The following SUN1 variants were observed in gnomAD, a reference collection of about 807,000 sequenced individuals.
The protein encoded by SUN1 is Sad1 and UNC84 domain containing 1, also known as SUN domain-containing protein 1.
SUN1 carries 61 observed loss-of-function variants against 103.2 expected under a neutral mutation model. The observed-to-expected ratio is 0.59, with a 90% CI of 0.48 to 0.73. The LOEUF (loss-of-function observed/expected upper bound fraction) is 0.73. Among genes scored for constraint, SUN1 ranks in the 30% least tolerant of loss-of-function variants. SUN1 has a pLI of 0.00. For synonymous variants in SUN1, 490 were observed against 425.7 expected, an observed-to-expected ratio of 1.15 and a Z score of -1.86; for missense variants, 1,052 against 1,034.6, an observed-to-expected ratio of 1.02 and a Z score of -0.23.
intron 16 of SUN1, among the ~76,000 whole-genome samples, chr7:867,755 A>G (rs10950834): frequency 0.62 from 94,289 of 152,142 alleles, 29,554 homozygotes; most frequent in East Asian, 0.8. Flanking sequence ...ACCAGCTCCC[A>G]CCCCAGGACC....
intron 1 of SUN1, chr7:832,861 T>G: frequency 2.2e-6 from 1 of 463,436 alleles, no homozygotes; most frequent in South Asian, 3.2e-5. Flanking sequence ...CCCAGGTGGT[T>G]GTGATGTTGA....
rs765912582 is a variant in SUN1 at position 851,409 on chromosome 7, C to T, written c.684C>T (p.Arg228=). The change falls in exon 6 of 19, where the codon CGC becomes CGT. Residue 228 remains arginine, a synonymous_variant. Coordinates refer to ENST00000401592, the MANE Select transcript of SUN1 (RefSeq NM_001130965.3). ...GTTACTTCTTGCTGCAGATTCTGCG[C>T]AGGATCGGAGCTGTGGGCCAGGCTG... ...QKCYFLLQIL[R]RIGAVGQAVS... 1.2e-6 allele frequency: 2 copies of T among 1,608,490 alleles called. No individual in the cohort carries two copies. Among genetic ancestry groups the T allele is most frequent in the African/African-American group, 2.7e-5 (2 of 74,994 alleles).
At position 842,027 on chromosome 7, in the gene SUN1, C is replaced by T. The variant is rs1562613088; in HGVS notation, c.348C>T (p.Val116=). 1.2e-6 allele frequency: 2 copies of T among 1,614,212 alleles called. No individual in the cohort carries two copies. The highest frequency in any genetic ancestry group is 1.7e-5 in the Admixed American group (1 of 60,030). ...CAAGGCAGGTCACGTCCTCTGGCGTCAGCCACGGCGGCACTGTCAGCCTGC... is the reference window on the plus strand; with the variant it reads ...CAAGGCAGGTCACGTCCTCTGGCGTTAGCCACGGCGGCACTGTCAGCCTGC... The part of the protein sequence containing the change: ...HVSRQVTSSG[V]SHGGTVSLQD... Residue 116 remains valine, a synonymous_variant, in exon 3 of 19, where the codon GTC becomes GTT. Coordinates refer to ENST00000401592, the MANE Select transcript of SUN1 (RefSeq NM_001130965.3).
At chr7:862,605 T>C (rs1011640973) in intron 15 of SUN1, among the ~76,000 whole-genome samples, 2 of 152,234 alleles carry the variant, frequency 1.3e-5, no homozygotes, top group Non-Finnish European at 1.5e-5. Context: ...TATTTTCCAT[T>C]AAGAGGCATC....
At chr7:851,281 C>CA in intron 5 of SUN1, 103 bp from the exon 6 acceptor site, 1 of 963,764 alleles carries the variant, frequency 1.0e-6, no homozygotes, top group Non-Finnish European at 1.6e-6. Flanking sequence ...CCCACCGATG[C>CA]AGGCTTTGGT....
chr7:827,040 T>G (rs1792796749), intron 1 of SUN1, among the ~76,000 whole-genome samples: 1 of 152,230 alleles, frequency 6.6e-6, no homozygotes, highest in African/African-American at 2.4e-5. Context: ...TTTTTGTTTT[T>G]GAGATGGAGT....
intron 5 of SUN1, among the ~76,000 whole-genome samples, chr7:847,927 A>C (rs1227087866): frequency 1.4e-5 from 2 of 138,844 alleles, no homozygotes; most frequent in African/African-American, 5.5e-5. Context: ...TCCACAGTCC[A>C]GTCTCCGGGA....
chr7:849,039 C>T (rs1465732550), intron 5 of SUN1, among the ~76,000 whole-genome samples: 1 of 151,858 alleles, frequency 6.6e-6, no homozygotes, highest in Non-Finnish European at 1.5e-5. Flanking sequence ...GCAACCTCCG[C>T]CTCCTGGGTT....
At chr7:839,881 A>T (rs1472248835) in intron 2 of SUN1, among the ~76,000 whole-genome samples, 5 of 152,172 alleles carry the variant, frequency 3.3e-5, no homozygotes, top group Non-Finnish European at 4.4e-5. Context: ...CTTTATTAAA[A>T]ATCTGTGTGT....
chr7:836,808 C>A (rs754667327), intron 1 of SUN1, among the ~76,000 whole-genome samples: 25 of 152,184 alleles, frequency 1.6e-4, no homozygotes, highest in Non-Finnish European at 2.9e-4. Context: ...TGCAGGTAAC[C>A]CCTGCAGAGG....
At chr7:857,690 G>A (rs1391510229) in intron 12 of SUN1, 138 bp from the exon 13 acceptor site, 8 of 1,137,668 alleles carry the variant, frequency 7.0e-6, no homozygotes, top group East Asian at 2.7e-5. Flanking sequence ...CAGTTTCCAC[G>A]TTAGTGTGGC....
At chr7:849,259 C>A (rs1406483523) in intron 5 of SUN1, among the ~76,000 whole-genome samples, 1 of 152,232 alleles carries the variant, frequency 6.6e-6, no homozygotes, top group Admixed American at 6.5e-5. Context: ...CAACCCAGAA[C>A]TATTTTAAGC....
chr7:836,843 G>T (rs903474677), intron 1 of SUN1, among the ~76,000 whole-genome samples: 1 of 152,252 alleles, frequency 6.6e-6, no homozygotes, highest in African/African-American at 2.4e-5. Context: ...GGTCAAGGAG[G>T]AGGCAGTTTT....
At chr7:834,965 A>G (rs1392705463) in intron 1 of SUN1, among the ~76,000 whole-genome samples, 1 of 152,200 alleles carries the variant, frequency 6.6e-6, no homozygotes, top group African/African-American at 2.4e-5. Context: ...AATCCCAGCT[A>G]CTTGGTAGGC....
At chr7:829,079 C>A (rs187051661), upstream of SUN1, among the ~76,000 whole-genome samples, 1 of 152,372 alleles carries the variant, frequency 6.6e-6, no homozygotes, top group East Asian at 1.9e-4. Context: ...AGGAGCATCA[C>A]GCCTGCAGAC....
chr7:837,199 G>C (rs1245437604), intron 1 of SUN1, among the ~76,000 whole-genome samples: 1 of 152,214 alleles, frequency 6.6e-6, no homozygotes, highest in Non-Finnish European at 1.5e-5. Context: ...GAAGTGCTGG[G>C]GTGAGCAGGG....
At chr7:848,720 T>G (rs1206186782) in intron 5 of SUN1, 1 of 708,438 alleles carries the variant, frequency 1.4e-6, no homozygotes, top group East Asian at 5.7e-5. Context: ...CCTCCTCCTG[T>G]GGTCTTGGTG....
intron 13 of SUN1, among the ~76,000 whole-genome samples, chr7:859,230 G>C (rs1272949452): frequency 6.6e-6 from 1 of 152,116 alleles, no homozygotes. Context: ...GGGACTTGCA[G>C]ATTACAGCAG....
Position 817,904 on chromosome 7 carries a change from C to G in SUN1, c.-74+1231C>G, listed in dbSNP as rs1782334065. Among the ~76,000 whole-genome samples the G allele has an allele frequency of 2.0e-5, 3 of 152,082 alleles. No homozygotes were observed. The South Asian group carries it at 6.2e-4, about 31-fold the overall frequency. ...GCTTTATAATTTTCTTGTCTTTCTC[C>G]CATTTAATGTTTGTTCTACTTTCTA... On this transcript the variant is annotated intron_variant, in intron 1 of 17. Coordinates refer to the SUN1 transcript ENST00000389574.
Sources: gnomAD v4.1 joint callset for allele counts (sites outside exome capture counted in the v4.1 genomes callset) on GRCh38, gnomAD v4.1.1 for gene constraint, MANE v1.5 for transcripts, NCBI Gene and HGNC (gene_info 2026-07-23, HGNC 2026-07-21) for gene names.